OSBPL8: variants seen among roughly 807,000 people sequenced by gnomAD.
OSBPL8 encodes the protein oxysterol binding protein like 8, also known as oxysterol-binding protein-related protein 8.
A neutral mutation model predicts 125.5 loss-of-function variants in OSBPL8; 59 were observed. That is an observed-to-expected ratio of 0.47 (90% CI 0.38 to 0.58). The LOEUF is 0.58. Among genes scored for constraint, OSBPL8 ranks in the 20% least tolerant of loss-of-function variants. OSBPL8 has a pLI of 0.00. For synonymous variants in OSBPL8, 330 were observed against 338.9 expected, an observed-to-expected ratio of 0.97 and a Z score of 0.29; for missense variants, 758 against 1,047.8, an observed-to-expected ratio of 0.72 and a Z score of 3.82.
chr12:76,464,691 G>A (rs535293724), intron 2 of OSBPL8, among the ~76,000 whole-genome samples: 27 of 152,232 alleles, frequency 1.8e-4, no homozygotes, highest in Non-Finnish European at 2.2e-4. Flanking sequence ...GTAATCCCAC[G>A]CAATCTATAG....
Position 76,369,312 on chromosome 12 carries a change from G to GGAA in OSBPL8, c.2241-12_2241-11insTTC. The stretch of plus-strand genomic sequence containing the variant: ...TCCCATGGTCGGGTACTACATAAAT[G>GGAA]AAAAAAAAAAAAACCATTTGCTCAA... On this transcript the variant is annotated splice_polypyrimidine_tract_variant and intron_variant, in intron 20 of 23. Coordinates refer to ENST00000261183, the MANE Select transcript of OSBPL8 (RefSeq NM_020841.5). 7.1e-7 allele frequency: 1 copy of GGAA among 1,409,420 alleles called. No homozygotes were observed. Among genetic ancestry groups the GGAA allele is most frequent in the East Asian group, 2.7e-5 (1 of 37,420 alleles). 87.3% of individuals were successfully genotyped at this position (1,409,420 alleles called of 1,614,324 possible). A position where few individuals can be genotyped will look rare whatever the true frequency, so the allele number is the denominator to read the frequency against.
chr12:76,513,924 T>C (rs1379033119), intron 1 of OSBPL8, among the ~76,000 whole-genome samples: 1 of 151,998 alleles, frequency 6.6e-6, no homozygotes, highest in Non-Finnish European at 1.5e-5. Flanking sequence ...CACTGAAGGT[T>C]AGTATTAATA....
intron 2 of OSBPL8, among the ~76,000 whole-genome samples, chr12:76,483,842 T>C (rs916009000): frequency 6.6e-6 from 1 of 151,664 alleles, no homozygotes; most frequent in African/African-American, 2.4e-5. Flanking sequence ...ACCTGGCTAA[T>C]TTTTGTATTT....
intron 1 of OSBPL8, among the ~76,000 whole-genome samples, chr12:76,511,523 C>T (rs1484561064): frequency 6.6e-6 from 1 of 152,136 alleles, no homozygotes; most frequent in Non-Finnish European, 1.5e-5. Context: ...ACAGGTATGT[C>T]TTCTTTCGAA....
intron 4 of OSBPL8, among the ~76,000 whole-genome samples, chr12:76,423,662 C>T: frequency 1.3e-5 from 2 of 152,252 alleles, no homozygotes; most frequent in East Asian, 3.9e-4. Flanking sequence ...CCAAAGAATT[C>T]TCTCCCAATT....
intron 4 of OSBPL8, among the ~76,000 whole-genome samples, chr12:76,413,314 A>G (rs1868310382): frequency 6.6e-6 from 1 of 152,180 alleles, no homozygotes; most frequent in Non-Finnish European, 1.5e-5. Flanking sequence ...TGCAATAATT[A>G]TTTACTAGCG....
intron 1 of OSBPL8, among the ~76,000 whole-genome samples, chr12:76,533,460 A>C (rs1481603138): frequency 6.6e-6 from 1 of 152,208 alleles, no homozygotes; most frequent in Non-Finnish European, 1.5e-5. Flanking sequence ...AAGAAGAAAA[A>C]CATTTCTAAA....
At chr12:76,545,360 AG>A (rs1350395977) in intron 1 of OSBPL8, among the ~76,000 whole-genome samples, 1 of 152,148 alleles carries the variant, frequency 6.6e-6, no homozygotes, top group African/African-American at 2.4e-5. Flanking sequence ...CTAAGATACT[AG>A]GAAAAAATTA....
intron 14 of OSBPL8, among the ~76,000 whole-genome samples, chr12:76,384,586 A>C (rs1953218517): frequency 6.6e-6 from 1 of 152,096 alleles, no homozygotes; most frequent in Non-Finnish European, 1.5e-5. Context: ...TATTGTACTG[A>C]AGTTGGTTTG....
chr12:76,494,335 T>A (rs1158190739), intron 1 of OSBPL8, among the ~76,000 whole-genome samples: 1 of 152,172 alleles, frequency 6.6e-6, no homozygotes, highest in African/African-American at 2.4e-5. Flanking sequence ...GGGCACTGAC[T>A]GGGTGGGAGT....
At chr12:76,386,903 A>G (rs895668017) in intron 12 of OSBPL8, among the ~76,000 whole-genome samples, 1 of 152,156 alleles carries the variant, frequency 6.6e-6, no homozygotes, top group Non-Finnish European at 1.5e-5. Context: ...TCGCTAAAGT[A>G]GTTTTTGGAA....
intron 1 of OSBPL8, among the ~76,000 whole-genome samples, chr12:76,499,591 C>T (rs1160626380): frequency 1.3e-5 from 2 of 152,066 alleles, no homozygotes; most frequent in South Asian, 2.1e-4. Context: ...TAGCTCATGC[C>T]TGTAATCCCA....
chr12:76,400,176 T>G (rs1322182078), intron 6 of OSBPL8, among the ~76,000 whole-genome samples: 1 of 152,130 alleles, frequency 6.6e-6, no homozygotes, highest in Non-Finnish European at 1.5e-5. Context: ...ACCCTCACCC[T>G]CTGAAAGGCT....
intron 1 of OSBPL8, among the ~76,000 whole-genome samples, chr12:76,502,894 T>C (rs1280685126): frequency 6.6e-6 from 1 of 152,216 alleles, no homozygotes; most frequent in Non-Finnish European, 1.5e-5. Flanking sequence ...ATGAATACAG[T>C]TGTGTATCAA....
intron 1 of OSBPL8, among the ~76,000 whole-genome samples, chr12:76,501,743 A>G (rs1265349063): frequency 1.3e-5 from 2 of 152,264 alleles, no homozygotes; most frequent in Admixed American, 1.3e-4. Flanking sequence ...CCAGCGGTAG[A>G]GATCAACACC....
intron 1 of OSBPL8, among the ~76,000 whole-genome samples, chr12:76,510,628 C>T (rs778470160): frequency 1.3e-5 from 2 of 152,210 alleles, no homozygotes; most frequent in Middle Eastern, 3.4e-3. Flanking sequence ...GCCTGTAATC[C>T]CAGCACTTTG....
At chr12:76,450,548 T>A (rs533826964) in intron 4 of OSBPL8, among the ~76,000 whole-genome samples, 1 of 152,076 alleles carries the variant, frequency 6.6e-6, no homozygotes. Flanking sequence ...CTTCACAGTC[T>A]TCAATAATTT....
intron 4 of OSBPL8, among the ~76,000 whole-genome samples, chr12:76,445,536 A>C (rs1872640530): frequency 6.6e-6 from 1 of 152,226 alleles, no homozygotes; most frequent in African/African-American, 2.4e-5. Context: ...AATACAAACA[A>C]GACAATTTTC....
intron 1 of OSBPL8, among the ~76,000 whole-genome samples, chr12:76,491,615 T>C (rs2137053238): frequency 6.6e-6 from 1 of 152,326 alleles, no homozygotes; most frequent in Non-Finnish European, 1.5e-5. Context: ...ATATGGTAAT[T>C]ATTTGTTCCC....
Sources: allele counts gnomAD v4.1 joint callset (sites outside exome capture counted in the v4.1 genomes callset), GRCh38; gene constraint gnomAD v4.1.1; transcripts MANE v1.5; gene names NCBI Gene and HGNC (gene_info 2026-07-23, HGNC 2026-07-21).